IL1RAPL2: variants seen among roughly 807,000 people sequenced by gnomAD.
The protein encoded by IL1RAPL2 is interleukin 1 receptor accessory protein like 2, also known as X-linked interleukin-1 receptor accessory protein-like 2.
A neutral mutation model predicts 44.1 loss-of-function variants in IL1RAPL2; 3 were observed. The ratio of observed to expected loss-of-function variants is 0.07; its 90% CI spans 0.03 to 0.18. The LOEUF is 0.18. IL1RAPL2 is among the 10% of genes least tolerant of loss of function. IL1RAPL2 has a pLI of 1.00. For synonymous variants in IL1RAPL2, 181 were observed against 178.8 expected (o/e 1.01, Z -0.10); for missense variants, 391 against 496.4 (o/e 0.79, Z 2.02).
At chrX:105,216,974 A>C (rs2033864679) in intron 3 of IL1RAPL2, among the ~76,000 whole-genome samples, 1 of 110,605 alleles carries the variant, frequency 9.0e-6, no homozygotes, top group Non-Finnish European at 1.9e-5. Flanking sequence ...AAAGACTTAA[A>C]TGTTAGACCT....
At chrX:104,993,597 T>C (rs1178739227) in intron 2 of IL1RAPL2, among the ~76,000 whole-genome samples, 2 of 111,563 alleles carry the variant, frequency 1.8e-5, no homozygotes, top group Non-Finnish European at 3.8e-5. Context: ...GTTATATTCA[T>C]TGAAGCTTTC....
At chrX:105,663,076 C>T (rs915919280) in intron 6 of IL1RAPL2, among the ~76,000 whole-genome samples, 8 of 111,993 alleles carry the variant, frequency 7.1e-5, no homozygotes, top group African/African-American at 2.6e-4. Context: ...ACCCTTAAAA[C>T]AACATGTGTT....
chrX:105,116,466 T>G (rs1428012422), intron 2 of IL1RAPL2, among the ~76,000 whole-genome samples: 2 of 106,694 alleles, frequency 1.9e-5, no homozygotes, highest in Non-Finnish European at 3.8e-5. Flanking sequence ...TTGTAGATTG[T>G]GTCCTGCATT....
chrX:104,940,601 T>G (rs181652423), intron 2 of IL1RAPL2, among the ~76,000 whole-genome samples: 2 of 111,325 alleles, frequency 1.8e-5, no homozygotes, highest in South Asian at 7.5e-4. Flanking sequence ...CTCGTCTCAC[T>G]GGACCTTTAA....
intron 3 of IL1RAPL2, among the ~76,000 whole-genome samples, chrX:105,205,568 C>T (rs1392167090): frequency 1.9e-4 from 14 of 73,603 alleles, no homozygotes; most frequent in Non-Finnish European, 2.6e-4. Flanking sequence ...CCAGCCTCGG[C>T]GACAGAGCAA....
At chrX:104,738,029 C>T (rs1932045035) in intron 2 of IL1RAPL2, among the ~76,000 whole-genome samples, 1 of 112,082 alleles carries the variant, frequency 8.9e-6, no homozygotes, top group Admixed American at 9.5e-5. Context: ...TATCAGTCAG[C>T]ATTCAGTCAT....
intron 6 of IL1RAPL2, among the ~76,000 whole-genome samples, chrX:105,485,483 A>T (rs2036259412): frequency 9.0e-6 from 1 of 110,869 alleles, no homozygotes; most frequent in Non-Finnish European, 1.9e-5. Context: ...TATTTTAGTT[A>T]TTTTAAGATG....
intron 6 of IL1RAPL2, among the ~76,000 whole-genome samples, chrX:105,683,331 C>T (rs1477135837): frequency 8.9e-6 from 1 of 111,792 alleles, no homozygotes; most frequent in Non-Finnish European, 1.9e-5. Context: ...TGTATTTCTA[C>T]CTTTTGTCTA....
intron 2 of IL1RAPL2, among the ~76,000 whole-genome samples, chrX:104,908,192 T>A (rs1206007433): frequency 1.8e-5 from 2 of 111,883 alleles, no homozygotes; most frequent in Non-Finnish European, 3.8e-5. Context: ...TGAGCCTATG[T>A]GTGTCTCTGC....
chrX:104,954,546 C>CT (rs1925664615), intron 2 of IL1RAPL2, among the ~76,000 whole-genome samples: 1 of 109,164 alleles, frequency 9.2e-6, no homozygotes, highest in African/African-American at 3.4e-5. Flanking sequence ...TTCTTTTTTT[C>CT]TTTTTTCTTT....
chrX:105,537,067 A>G (rs1323178538), intron 6 of IL1RAPL2, among the ~76,000 whole-genome samples: 1 of 111,332 alleles, frequency 9.0e-6, no homozygotes, highest in African/African-American at 3.3e-5. Flanking sequence ...TTTTTTTGCC[A>G]TGTAGAAATT....
chrX:105,408,231 A>G (rs749001165), intron 5 of IL1RAPL2, among the ~76,000 whole-genome samples: 2 of 111,874 alleles, frequency 1.8e-5, no homozygotes, highest in Non-Finnish European at 3.8e-5. Flanking sequence ...TGATTCTTTT[A>G]CTTATATTTT....
intron 2 of IL1RAPL2, among the ~76,000 whole-genome samples, chrX:104,877,841 A>G (rs1035175744): frequency 8.9e-6 from 1 of 111,779 alleles, no homozygotes; most frequent in Non-Finnish European, 1.9e-5. Flanking sequence ...AGAGATGGCA[A>G]ACAAGCTCAT....
intron 1 of IL1RAPL2, among the ~76,000 whole-genome samples, chrX:104,622,871 C>A (rs781125924): frequency 8.1e-5 from 9 of 111,747 alleles, no homozygotes; most frequent in Admixed American, 6.7e-4. Context: ...AGATGTTTCC[C>A]ATTGAAATGA....
chrX:105,573,742 C>A (rs1293746391), intron 6 of IL1RAPL2, among the ~76,000 whole-genome samples: 1 of 111,515 alleles, frequency 9.0e-6, no homozygotes, highest in East Asian at 2.8e-4. Flanking sequence ...ATATGATATG[C>A]TTGTGACACA....
intron 3 of IL1RAPL2, among the ~76,000 whole-genome samples, chrX:105,227,462 A>G (rs1556190801): frequency 3.6e-5 from 4 of 112,329 alleles, no homozygotes; most frequent in African/African-American, 1.3e-4. Context: ...GCCTAGAAGT[A>G]AGATGATTTA....
At chrX:105,512,819 G>A (rs2147786485) in intron 6 of IL1RAPL2, among the ~76,000 whole-genome samples, 1 of 111,104 alleles carries the variant, frequency 9.0e-6, no homozygotes, top group East Asian at 2.9e-4. Context: ...TGCAGAACAT[G>A]CAGTTTTTTT....
intron 6 of IL1RAPL2, among the ~76,000 whole-genome samples, chrX:105,686,648 G>A (rs1419023496): frequency 3.6e-5 from 4 of 110,825 alleles, no homozygotes; most frequent in Admixed American, 2.9e-4. Flanking sequence ...CCCACTGTCT[G>A]TATTAGACAG....
intron 2 of IL1RAPL2, among the ~76,000 whole-genome samples, chrX:105,037,408 A>G (rs2031648770): frequency 9.0e-6 from 1 of 111,118 alleles, no homozygotes. Context: ...TTACAGGGGG[A>G]CAACAATGCC....
Sources: gnomAD v4.1 joint callset for allele counts (sites outside exome capture counted in the v4.1 genomes callset) on GRCh38, gnomAD v4.1.1 for gene constraint, MANE v1.5 for transcripts, NCBI Gene and HGNC (gene_info 2026-07-23, HGNC 2026-07-21) for gene names.